The following GALNS variants were observed in gnomAD, a reference collection of about 807,000 sequenced individuals.
The protein encoded by GALNS is N-acetylgalactosamine-6-sulfatase.
GALNS carries 65 observed loss-of-function variants against 65.9 expected under a neutral mutation model. The ratio of observed to expected loss-of-function variants is 0.99; its 90% CI spans 0.81 to 1.21. The LOEUF (loss-of-function observed/expected upper bound fraction) is 1.21, where lower values mean the gene tolerates loss of function less well. Among genes scored for constraint, GALNS ranks in the 50% most tolerant of loss-of-function variants. The probability of loss-of-function intolerance (pLI) is 0.00; values close to 1 mark genes in which losing one functional copy is unlikely to be tolerated. For missense variants in GALNS, 776 were observed against 700.7 expected, an observed-to-expected ratio of 1.11 and a Z score of -1.21; for synonymous variants, 346 against 288.9, an observed-to-expected ratio of 1.20 and a Z score of -2.00.
chr16:88,841,085 G>T lies in GALNS; in HGVS notation c.329C>A (p.Pro110Gln). The T allele has an allele frequency of 6.2e-7, 1 of 1,612,912 alleles. No homozygotes were observed. Among genetic ancestry groups the T allele is most frequent in the South Asian group, 1.1e-5 (1 of 91,076 alleles). The change falls in exon 4 of 14, where the codon CCG becomes CAG. Residue 110 changes from proline (P) to glutamine (Q), a missense_variant. By Grantham distance (76) the Pro-to-Gln change is moderately conservative. Transcript: ENST00000268695. ...TNAHARNAYTPQEIVGGIPDS... is the reference protein window; with the variant it reads ...TNAHARNAYTQQEIVGGIPDS... ...TGGGATGCCGCCCACAATCTCCTGCGGTGTGTAGGCTGGAAGAGCAGCGCT... is the reference window on the plus strand; with the variant it reads ...TGGGATGCCGCCCACAATCTCCTGCTGTGTGTAGGCTGGAAGAGCAGCGCT...
At chr16:88,836,177 C>G (rs753795656) in intron 6 of GALNS, 24 bp downstream of exon 6, 24 of 1,608,886 alleles carry the variant, frequency 1.5e-5, no homozygotes, top group Non-Finnish European at 2.0e-5. Context: ...TCCCACAGGG[C>G]GAGGATGGTG....
chr16:88,814,950 C>G lies in GALNS; in HGVS notation c.1483-425G>C, dbSNP rs530304088. 3.7e-6 allele frequency: 3 copies of G among 819,496 alleles called. No homozygotes were observed. The African/African-American group carries it at 5.6e-5, about 15-fold the overall frequency. 50.8% of individuals were successfully genotyped at this position (819,496 alleles called of 1,614,324 possible). A position where few individuals can be genotyped will look rare whatever the true frequency, so the allele number is the denominator to read the frequency against. ...GGTTCCCCAAGTTGGCCAGGCTGGT[C>G]TCAAACTTCTGACCTCAGGTGATCC... On this transcript the variant is annotated intron_variant, in intron 13 of 13. Transcript: ENST00000268695.
chr16:88,821,649 G>A (rs905556032), intron 12 of GALNS, among the ~76,000 whole-genome samples: 1 of 152,204 alleles, frequency 6.6e-6, no homozygotes, highest in Non-Finnish European at 1.5e-5. Context: ...GAGGGTGCAG[G>A]AGCCTCAGGG....
intron 6 of GALNS, 40 bp from the exon 7 acceptor site, chr16:88,835,889 C>T (rs778880894): frequency 2.0e-5 from 33 of 1,612,962 alleles, no homozygotes; most frequent in Admixed American, 1.0e-4. Context: ...AGCCTCAGGC[C>T]GACCTCCTCA....
chr16:88,853,032 C>A (rs1254650682), intron 1 of GALNS, among the ~76,000 whole-genome samples: 2 of 152,030 alleles, frequency 1.3e-5, no homozygotes, highest in African/African-American at 4.8e-5. Context: ...AGGCAGATCA[C>A]CTGAGGTCAG....
intron 9 of GALNS, 46 bp downstream of exon 9, chr16:88,831,952 G>T: frequency 6.5e-7 from 1 of 1,544,052 alleles, no homozygotes; most frequent in Non-Finnish European, 8.9e-7. Flanking sequence ...TGGGATGGCT[G>T]CAGGCCTGGA....
intron 8 of GALNS, among the ~76,000 whole-genome samples, chr16:88,832,773 C>T (rs1345090412): frequency 4.6e-5 from 7 of 152,082 alleles, no homozygotes; most frequent in Admixed American, 2.0e-4. Context: ...AAAAAGGAAA[C>T]GAAGGGGCCG....
chr16:88,833,691 C>A (rs1287909874), intron 8 of GALNS, among the ~76,000 whole-genome samples: 1 of 152,028 alleles, frequency 6.6e-6, no homozygotes, highest in African/African-American at 2.4e-5. Context: ...ACCTCGTGAT[C>A]CACCCGCCTC....
intron 1 of GALNS, chr16:88,855,653 A>T: frequency 1.7e-6 from 1 of 598,830 alleles, no homozygotes; most frequent in Non-Finnish European, 3.0e-6. Context: ...AAAACCATTA[A>T]TTTAATAAAA....
chr16:88,844,978 C>G (rs970466138), intron 1 of GALNS: 1 of 152,208 alleles, frequency 6.6e-6, no homozygotes, highest in African/African-American at 2.4e-5. Flanking sequence ...TTTTTCATGT[C>G]ACAAAATATT....
In GALNS at chr16:88,814,232, C is replaced by T; in HGVS notation, c.*207G>A. The T allele has an allele frequency of 1.5e-6, 1 of 677,472 alleles. No individual in the cohort carries two copies. The highest frequency in any genetic ancestry group is 1.8e-5 in the South Asian group (1 of 56,678). The allele number at this position is 677,472 out of a possible 1,614,324, so 42.0% of individuals were successfully genotyped here. On this transcript the variant is annotated 3_prime_UTR_variant, in exon 14 of 14. Coordinates refer to ENST00000268695, the MANE Select transcript of GALNS (RefSeq NM_000512.5). ...TGGGCGAGGAGGAGGGTCCTGAAATCTGAGGCGCCGTGGGCGAGGAGGAGG... is the reference window on the plus strand; with the variant it reads ...TGGGCGAGGAGGAGGGTCCTGAAATTTGAGGCGCCGTGGGCGAGGAGGAGG...
At chr16:88,836,372 A>T (rs12444543) in intron 5 of GALNS, 105 bp from the exon 6 acceptor site, 1 of 938,898 alleles carries the variant, frequency 1.1e-6, no homozygotes, top group Non-Finnish European at 1.7e-6. Flanking sequence ...AAAGAAGGCT[A>T]GGGCTGGGCG....
chr16:88,831,918 G>A (rs1041464553), intron 9 of GALNS, 80 bp downstream of exon 9: 4 of 1,196,358 alleles, frequency 3.3e-6, no homozygotes, highest in Non-Finnish European at 4.9e-6. Flanking sequence ...TGGGGGAGGT[G>A]GCCAGTGAGG....
chr16:88,838,748 A>C (rs1189460581), intron 4 of GALNS: 2 of 152,370 alleles, frequency 1.3e-5, no homozygotes, highest in East Asian at 3.9e-4. Context: ...GATGGCTTCT[A>C]GGCACGGCCG....
intron 1 of GALNS, among the ~76,000 whole-genome samples, chr16:88,849,607 G>C (rs1967412996): frequency 6.6e-6 from 1 of 152,120 alleles, no homozygotes; most frequent in African/African-American, 2.4e-5. Context: ...ATTTTTGGTA[G>C]AGATGGAGTT....
Position 88,835,871 on chromosome 16 carries a change from C to T in GALNS, c.634-22G>A, listed in dbSNP as rs750555693. ...CTTCCTATGGAGAGAGCCACACCGT[C>T]GTCCTCCAGCCTCAGGCCGACCTCC... On this transcript the variant is annotated intron_variant, in intron 6 of 13. Transcript: ENST00000268695. The T allele has an allele frequency of 2.4e-5, 39 of 1,613,478 alleles. No homozygotes were observed. The African/African-American group carries it at 3.7e-4, about 15-fold the overall frequency.
Position 88,836,251 on chromosome 16 carries a change from G to A in GALNS, c.583C>T (p.Pro195Ser), listed in dbSNP as rs1015490959. Reference protein sequence around the residue: ...EMVGRYYEEFPINLKTGEANL... With the variant: ...EMVGRYYEEFSINLKTGEANL... ...GCTTCCCCCGTCTTCAGATTAATAG[G>A]AAATTCTTCATAATATCTGAAAAGA... Residue 195 changes from proline (P) to serine (S), a missense_variant, in exon 6 of 14, where the codon CCT becomes TCT. Coordinates refer to ENST00000268695, the MANE Select transcript of GALNS (RefSeq NM_000512.5). 1.9e-6 allele frequency: 3 copies of A among 1,612,742 alleles called. No homozygotes were observed. The highest frequency in any genetic ancestry group is 1.3e-5 in the African/African-American group (1 of 74,910).
At chr16:88,853,748 G>C (rs544468306) in intron 1 of GALNS, among the ~76,000 whole-genome samples, 1 of 152,160 alleles carries the variant, frequency 6.6e-6, no homozygotes. Context: ...AGGGTACTAC[G>C]AAGCCAGGCC....
chr16:88,853,341 C>T (rs900320633), intron 1 of GALNS, among the ~76,000 whole-genome samples: 1 of 151,560 alleles, frequency 6.6e-6, no homozygotes, highest in African/African-American at 2.4e-5. Context: ...GGATCAGTAT[C>T]CTTCAGAATT....
Sources: gnomAD v4.1 joint callset for allele counts (sites outside exome capture counted in the v4.1 genomes callset) on GRCh38, gnomAD v4.1.1 for gene constraint, MANE v1.5 for transcripts, NCBI Gene and HGNC (gene_info 2026-07-23, HGNC 2026-07-21) for gene names.